Variants in ANKRA2 observed in about 807,000 individuals in gnomAD.
The protein encoded by ANKRA2 is ankyrin repeat family A member 2.
ANKRA2 carries 33 observed loss-of-function variants against 37.8 expected under a neutral mutation model. That is an observed-to-expected ratio of 0.87 (90% CI 0.66 to 1.17). ANKRA2 has a LOEUF of 1.17. ANKRA2 is among the 50% of genes most tolerant of loss of function. The probability of loss-of-function intolerance (pLI) is 0.00; values close to 1 mark genes in which losing one functional copy is unlikely to be tolerated. For synonymous variants in ANKRA2, 126 were observed against 132.3 expected (o/e 0.95, Z 0.33); for missense variants, 326 against 373.7 (o/e 0.87, Z 1.05).
chr5:73,555,352 C>T, intron 5 of ANKRA2, 136 bp downstream of exon 5: 1 of 1,387,826 alleles, frequency 7.2e-7, no homozygotes, highest in Non-Finnish European at 9.5e-7. Context: ...ATCCAAGTTC[C>T]ACAAGAATAT....
intron 4 of ANKRA2, chr5:73,557,348 C>A: frequency 6.5e-6 from 2 of 307,038 alleles, no homozygotes; most frequent in Non-Finnish European, 1.2e-5. Flanking sequence ...ATGTAAGAAA[C>A]TTATAACGTT....
intron 3 of ANKRA2, among the ~76,000 whole-genome samples, chr5:73,559,983 T>C (rs1747504030): frequency 6.6e-6 from 1 of 152,132 alleles, no homozygotes; most frequent in South Asian, 2.1e-4. Flanking sequence ...AGGCTGGTCT[T>C]GAACTCCTGA....
rs1747284774 is a variant in ANKRA2 at position 73,552,708 on chromosome 5, A to T, written c.*89T>A. On this transcript the variant is annotated 3_prime_UTR_variant, in exon 9 of 9. Transcript: ENST00000296785. ...CTACTAAAAACCAGTAAATATTGCA[A>T]CTGAGGTAAAAATTTATAAGTAAAC... 8.2e-7 allele frequency: 1 copy of T among 1,216,114 alleles called. No homozygotes were observed. 75.3% of individuals were successfully genotyped at this position (1,216,114 alleles called of 1,614,324 possible).
chr5:73,554,730 G>T, intron 6 of ANKRA2, 131 bp downstream of exon 6: 1 of 1,082,912 alleles, frequency 9.2e-7, no homozygotes, highest in Non-Finnish European at 1.3e-6. Context: ...CCTCCCAAGT[G>T]GCTGGGACTA....
intron 3 of ANKRA2, among the ~76,000 whole-genome samples, chr5:73,558,941 A>T (rs1048419269): frequency 1.3e-5 from 2 of 152,214 alleles, no homozygotes; most frequent in African/African-American, 2.4e-5. Flanking sequence ...AAATGATCTT[A>T]GGTGTTTGTT....
At chr5:73,552,964 A>T in intron 8 of ANKRA2, 112 bp from the exon 9 acceptor site, 1 of 904,170 alleles carries the variant, frequency 1.1e-6, no homozygotes, top group Non-Finnish European at 1.7e-6. Context: ...ATTTCTAAGC[A>T]GGATACATAC....
At chr5:73,555,034 G>A in intron 5 of ANKRA2, 48 bp from the exon 6 acceptor site, 1 of 1,582,234 alleles carries the variant, frequency 6.3e-7, no homozygotes, top group Admixed American at 1.9e-5. Context: ...GTTTAAACAA[G>A]AATATTGTTA....
At chr5:73,561,329 G>C in intron 2 of ANKRA2, 41 bp from the exon 3 acceptor site, 20 of 1,557,338 alleles carry the variant, frequency 1.3e-5, no homozygotes, top group Non-Finnish European at 1.7e-5. Flanking sequence ...AAGCATTTCA[G>C]TAAGAGTTCT....
At chr5:73,560,855 T>C (rs1747533408) in intron 3 of ANKRA2, among the ~76,000 whole-genome samples, 2 of 152,206 alleles carry the variant, frequency 1.3e-5, no homozygotes, top group Admixed American at 1.3e-4. Flanking sequence ...TTCCACTGAG[T>C]TCTACTTTTA....
At position 73,562,671 on chromosome 5, in the gene ANKRA2, A is replaced by T. The variant is rs1435705753; in HGVS notation, c.211T>A (p.Ser71Thr). The change falls in exon 2 of 9, where the codon TCC becomes ACC. Residue 71 changes from serine (S) to threonine (T), a missense_variant. Physicochemically the swap from Ser to Thr is moderately conservative, Grantham distance 58. Coordinates refer to ENST00000296785, the MANE Select transcript of ANKRA2 (RefSeq NM_023039.5). ...DMNVCSRFVK[S>T]LNEEDSKNIQ... The stretch of plus-strand genomic sequence containing the variant: ...TTTTTACTATCTTCTTCATTTAAGG[A>T]CTTCACAAATCGAGAACACACATTC... The T allele has an allele frequency of 1.9e-6, 3 of 1,614,140 alleles. No homozygotes were observed. Among genetic ancestry groups the T allele is most frequent in the Non-Finnish European group, 2.5e-6 (3 of 1,179,972 alleles).
At chr5:73,555,898 T>A (rs1164577770) in intron 4 of ANKRA2, among the ~76,000 whole-genome samples, 1 of 152,208 alleles carries the variant, frequency 6.6e-6, no homozygotes, top group Non-Finnish European at 1.5e-5. Flanking sequence ...ACAGTTTGAA[T>A]CCTGGCTCTG....
chr5:73,557,680 G>A (rs1359168925), intron 3 of ANKRA2, 40 bp from the exon 4 acceptor site: 2 of 1,437,144 alleles, frequency 1.4e-6, no homozygotes, highest in African/African-American at 2.8e-5. Flanking sequence ...ATTATCTATA[G>A]GGTACACTTG....
At position 73,554,314 on chromosome 5, in the gene ANKRA2, C is replaced by A; in HGVS notation, c.805+8G>T. 6.2e-7 allele frequency: 1 copy of A among 1,612,128 alleles called. No homozygotes were observed. The highest frequency in any genetic ancestry group is 8.5e-7 in the Non-Finnish European group (1 of 1,178,690). ...CACATGGCATTTTCTAAATTTTTAT[C>A]TGCTTACCTAAGAGCATCTTTACAC... On this transcript the variant is annotated splice_region_variant and intron_variant, in intron 7 of 8. Coordinates refer to ENST00000296785, the MANE Select transcript of ANKRA2 (RefSeq NM_023039.5).
rs1747591953 is a variant in ANKRA2 at position 73,562,830 on chromosome 5, A to G, written c.52T>C (p.Cys18Arg). Reference sequence around the variant, plus strand: ...CCAGTTAGGCTATAAGTGCTGGGACACTCTTCCACGATAAGCTGGGCTCCA... The same window carrying G: ...CCAGTTAGGCTATAAGTGCTGGGACGCTCTTCCACGATAAGCTGGGCTCCA... ...DIGAQLIVEE[C>R]PSTYSLTGMP... The change falls in exon 2 of 9, where the codon TGT (cysteine) becomes CGT (arginine). Residue 18 changes from cysteine (C) to arginine (R), a missense_variant. Physicochemically the swap from Cys to Arg is radical, Grantham distance 180. This residue lies in a region of ANKRA2 where 93 missense variants were observed against 91.1 expected (regional missense o/e 1.02). Transcript: ENST00000296785. The G allele has an allele frequency of 6.2e-7, 1 of 1,613,360 alleles. No homozygotes were observed. Among genetic ancestry groups the G allele is most frequent in the Non-Finnish European group, 8.5e-7 (1 of 1,179,642 alleles).
intron 2 of ANKRA2, 164 bp from the exon 3 acceptor site, chr5:73,561,452 G>A: frequency 1.4e-6 from 1 of 703,194 alleles, no homozygotes; most frequent in Non-Finnish European, 2.2e-6. Flanking sequence ...TTCCTTGTTT[G>A]CATAATGGTT....
intron 7 of ANKRA2, 104 bp downstream of exon 7, chr5:73,554,218 T>C (rs1747334291): frequency 6.8e-6 from 7 of 1,029,964 alleles, no homozygotes; most frequent in South Asian, 4.3e-5. Context: ...GATTCATGTA[T>C]TTAACAATAG....
At chr5:73,554,743 G>A (rs761906464) in intron 6 of ANKRA2, 118 bp downstream of exon 6, 49 of 1,238,300 alleles carry the variant, frequency 4.0e-5, no homozygotes, top group Non-Finnish European at 5.1e-5. Flanking sequence ...TGGGACTACA[G>A]GTGTACACCA....
chr5:73,555,093 G>A, intron 5 of ANKRA2, 107 bp from the exon 6 acceptor site: 2 of 1,490,228 alleles, frequency 1.3e-6, no homozygotes, highest in Non-Finnish European at 1.8e-6. Context: ...GTAATGTTCT[G>A]GGCTTAATAA....
At chr5:73,562,402 T>C (rs932269643) in intron 2 of ANKRA2, 191 bp downstream of exon 2, 6 of 494,654 alleles carry the variant, frequency 1.2e-5, no homozygotes, top group African/African-American at 9.9e-5. Context: ...AAAATCAACA[T>C]GTACTTCCTT....
Sources: gnomAD v4.1 joint callset for allele counts (sites outside exome capture counted in the v4.1 genomes callset) on GRCh38, gnomAD v4.1.1 for gene constraint, gnomAD v4.1.1 regional missense constraint, MANE v1.5 for transcripts, NCBI Gene and HGNC (gene_info 2026-07-23, HGNC 2026-07-21) for gene names.